Variants in DPP6 observed in about 807,000 individuals in gnomAD.
The protein encoded by DPP6 is A-type potassium channel modulatory protein DPP6.
Under a neutral mutation model 122.6 loss-of-function variants are expected in DPP6, and 69 were observed. That is an observed-to-expected ratio of 0.56 (90% CI 0.46 to 0.69). The LOEUF is 0.69. DPP6 is among the 30% of genes least tolerant of loss of function. The probability of loss-of-function intolerance (pLI) is 0.00; values close to 1 mark genes in which losing one functional copy is unlikely to be tolerated. For missense variants in DPP6, 928 were observed against 1,116.9 expected, an observed-to-expected ratio of 0.83 and a Z score of 2.41; for synonymous variants, 418 against 433.1, an observed-to-expected ratio of 0.97 and a Z score of 0.43.
intron 16 of DPP6, among the ~76,000 whole-genome samples, chr7:154,809,793 G>C (rs531928890): frequency 1.3e-5 from 2 of 152,294 alleles, no homozygotes; most frequent in Non-Finnish European, 2.9e-5. Context: ...TGAGCTGCTC[G>C]GTCATATTCC....
At chr7:154,714,926 T>C (rs1023938477) in intron 7 of DPP6, among the ~76,000 whole-genome samples, 6 of 152,084 alleles carry the variant, frequency 3.9e-5, no homozygotes, top group African/African-American at 1.4e-4. Context: ...CAGAAAGAAA[T>C]TGAGGATGAG....
chr7:154,335,832 T>C (rs1162695933), intron 1 of DPP6, among the ~76,000 whole-genome samples: 1 of 152,022 alleles, frequency 6.6e-6, no homozygotes, highest in African/African-American at 2.4e-5. Flanking sequence ...GATGAGTCTG[T>C]GGGGCACTCC....
At chr7:154,098,925 C>T (rs1220985745) in intron 1 of DPP6, among the ~76,000 whole-genome samples, 2 of 152,238 alleles carry the variant, frequency 1.3e-5, no homozygotes, top group African/African-American at 2.4e-5. Flanking sequence ...AATGTCTACA[C>T]TTTAAAAGTA....
intron 1 of DPP6, among the ~76,000 whole-genome samples, chr7:154,074,521 G>C (rs28484927): frequency 0.22 from 33,288 of 152,064 alleles, 3,751 homozygotes; most frequent in East Asian, 0.43. Flanking sequence ...CACAGTTCTT[G>C]TTACCAGCTG....
At chr7:153,808,803 A>G in the DPP6 span, among the ~76,000 whole-genome samples, 1 of 152,030 alleles carries the variant, frequency 6.6e-6, no homozygotes, top group Non-Finnish European at 1.5e-5. Context: ...TGGATTCTTA[A>G]GTTGCATCTG....
intron 7 of DPP6, among the ~76,000 whole-genome samples, chr7:154,683,910 C>T (rs116536701): frequency 1.7e-4 from 26 of 152,284 alleles, no homozygotes; most frequent in African/African-American, 6.3e-4. Context: ...GCTCTATCAC[C>T]CAGGCTGGAA....
At chr7:153,976,986 C>T (rs1796338526) in intron 1 of DPP6, among the ~76,000 whole-genome samples, 2 of 152,232 alleles carry the variant, frequency 1.3e-5, no homozygotes. Flanking sequence ...ATAGCACCCT[C>T]TGCTCTGCTG....
At chr7:154,769,811 T>C (rs538715418) in intron 9 of DPP6, among the ~76,000 whole-genome samples, 3 of 152,328 alleles carry the variant, frequency 2.0e-5, no homozygotes, top group Non-Finnish European at 4.4e-5. Context: ...TCAGCTTCAC[T>C]GAACCAAAAC....
chr7:154,445,837 G>T (rs544100236), intron 1 of DPP6, among the ~76,000 whole-genome samples: 2 of 152,232 alleles, frequency 1.3e-5, no homozygotes, highest in South Asian at 4.2e-4. Context: ...AATCCTAGTT[G>T]GGTTGGATTC....
intron 5 of DPP6, among the ~76,000 whole-genome samples, chr7:154,586,367 C>T (rs1370976199): frequency 1.3e-5 from 2 of 152,162 alleles, no homozygotes; most frequent in Non-Finnish European, 2.9e-5. Flanking sequence ...CAGCTCCCAT[C>T]GCCTGCCCTT....
At chr7:154,572,256 G>A (rs1831155103) in intron 5 of DPP6, among the ~76,000 whole-genome samples, 1 of 152,132 alleles carries the variant, frequency 6.6e-6, no homozygotes, top group Non-Finnish European at 1.5e-5. Context: ...AGAACACCCT[G>A]ATGTGGATAA....
At chr7:153,870,038 T>C in the DPP6 span, among the ~76,000 whole-genome samples, 2 of 152,240 alleles carry the variant, frequency 1.3e-5, no homozygotes, top group African/African-American at 4.8e-5. Context: ...TCTGATGGGC[T>C]TCCCTTTGTG....
At chr7:154,239,992 T>TAAAAAAAAAAAAAA (rs763543397) in intron 1 of DPP6, among the ~76,000 whole-genome samples, 1 of 50,398 alleles carries the variant, frequency 2.0e-5, no homozygotes, top group African/African-American at 6.0e-5. Context: ...ATGCTGTCTT[T>TAAAAAAAAAAAAAA]AAAAAAAAAA....
chr7:154,418,046 T>A (rs775170477), intron 1 of DPP6, among the ~76,000 whole-genome samples: 1 of 152,200 alleles, frequency 6.6e-6, no homozygotes, highest in Non-Finnish European at 1.5e-5. Context: ...GGGAAATGTA[T>A]CCTTTAGTAG....
At chr7:154,034,195 A>T (rs573584356) in intron 1 of DPP6, among the ~76,000 whole-genome samples, 3 of 152,354 alleles carry the variant, frequency 2.0e-5, no homozygotes, top group Admixed American at 6.5e-5. Context: ...CTAATTTTTC[A>T]TCTAAAGATA....
intron 1 of DPP6, among the ~76,000 whole-genome samples, chr7:153,969,718 CTAATT>C (rs202185931): frequency 0.032 from 4,793 of 149,426 alleles, 576 homozygotes; most frequent in African/African-American, 0.11. Flanking sequence ...TTCACATTCT[CTAATT>C]TAAGAGTGCA....
rs1186925178 is a variant in DPP6, at chr7:154,772,937, G to A, written c.1131G>A (p.Arg377=). 3 of 1,596,496 alleles carry A rather than the reference G, an allele frequency of 1.9e-6. No homozygotes were observed. Among genetic ancestry groups the A allele is most frequent in the Non-Finnish European group, 2.6e-6 (3 of 1,172,678 alleles). Residue 377 remains arginine, a synonymous_variant, in exon 10 of 26, where the codon CGG becomes CGA. Coordinates refer to ENST00000377770, the MANE Select transcript of DPP6 (RefSeq NM_130797.4). The part of the protein sequence containing the change: ...DLEMMPPDDP[R]MREYYITMVK... ...AGATGATGCCGCCTGATGATCCACG[G>A]ATGAGGTTTGCTTCCTTCTATTATG... is the stretch of plus-strand genomic sequence containing the variant.
intron 3 of DPP6, among the ~76,000 whole-genome samples, chr7:154,501,334 C>T (rs1189548086): frequency 6.6e-6 from 1 of 152,052 alleles, no homozygotes; most frequent in Non-Finnish European, 1.5e-5. Context: ...AATGTTAATT[C>T]CCAAGATCCT....
intron 3 of DPP6, among the ~76,000 whole-genome samples, chr7:154,530,859 A>G (rs1011016047): frequency 6.6e-6 from 1 of 152,196 alleles, no homozygotes; most frequent in Non-Finnish European, 1.5e-5. Context: ...ACATGGATGG[A>G]GCTGAAAGCC....
Sources: allele counts gnomAD v4.1 joint callset (sites outside exome capture counted in the v4.1 genomes callset), GRCh38; gene constraint gnomAD v4.1.1; transcripts MANE v1.5; gene names NCBI Gene and HGNC (gene_info 2026-07-23, HGNC 2026-07-21).